DDC: variants seen among roughly 807,000 people sequenced by gnomAD.
The protein encoded by DDC is aromatic-L-amino-acid decarboxylase.
DDC carries 43 observed loss-of-function variants against 60.0 expected under a neutral mutation model. The ratio of observed to expected loss-of-function variants is 0.72; its 90% CI spans 0.56 to 0.92. The LOEUF (loss-of-function observed/expected upper bound fraction) is 0.92, where lower values mean the gene tolerates loss of function less well. Among genes scored for constraint, DDC ranks in the 40% least tolerant of loss-of-function variants. The probability of loss-of-function intolerance (pLI) is 0.00; values close to 1 mark genes in which losing one functional copy is unlikely to be tolerated. For synonymous variants in DDC, 232 were observed against 234.6 expected (o/e 0.99, Z 0.10); for missense variants, 573 against 620.2 (o/e 0.92, Z 0.81).
intron 1 of DDC, among the ~76,000 whole-genome samples, chr7:50,548,470 G>T (rs1342825861): frequency 1.3e-5 from 2 of 152,202 alleles, no homozygotes; most frequent in Non-Finnish European, 2.9e-5. Flanking sequence ...CTGATATGGA[G>T]AGTATTTTAA....
Position 50,467,324 on chromosome 7 carries a change from A to T in DDC, c.1141-9T>A. ...TGGGACAGCTGGACATGCTTCAAAG[A>T]GGAAAGGGAAAATCTGTTTTTCTCA... On this transcript the variant is annotated splice_polypyrimidine_tract_variant and intron_variant, in intron 12 of 14. Coordinates refer to ENST00000444124, the MANE Select transcript of DDC (RefSeq NM_001082971.2). 6.2e-7 allele frequency: 1 copy of T among 1,612,070 alleles called. No individual in the cohort carries two copies. Among genetic ancestry groups the T allele is most frequent in the Non-Finnish European group, 8.5e-7 (1 of 1,178,082 alleles).
At chr7:50,459,314 C>T (rs1040000034) in intron 14 of DDC, among the ~76,000 whole-genome samples, 2 of 152,226 alleles carry the variant, frequency 1.3e-5, no homozygotes, top group African/African-American at 2.4e-5. Context: ...CTACAACCTC[C>T]ACCTCCCAGC....
chr7:50,498,989 C>A (rs11575394), intron 8 of DDC, among the ~76,000 whole-genome samples, 159 bp downstream of exon 8: 1 of 152,178 alleles, frequency 6.6e-6, no homozygotes, highest in African/African-American at 2.4e-5. Context: ...CTGGGGAAGG[C>A]TCTCAGCCCC....
chr7:50,479,654 C>T (rs533518978), intron 10 of DDC, 133 bp downstream of exon 10: 1 of 857,110 alleles, frequency 1.2e-6, no homozygotes. Flanking sequence ...TCCAGGAATG[C>T]ACAGCACCCC....
intron 10 of DDC, among the ~76,000 whole-genome samples, chr7:50,478,091 T>G (rs2042688284): frequency 6.6e-6 from 1 of 151,452 alleles, no homozygotes; most frequent in South Asian, 2.1e-4. Flanking sequence ...TGTACGTCTG[T>G]GGTCCCAGCT....
chr7:50,539,962 G>C lies in DDC; in HGVS notation c.268C>G (p.Leu90Val), dbSNP rs771493217. 7.4e-6 allele frequency: 12 copies of C among 1,613,964 alleles called. No individual in the cohort carries two copies. Among genetic ancestry groups the C allele is most frequent in the Non-Finnish European group, 1.0e-5 (12 of 1,179,992 alleles). Residue 90 changes from leucine to valine, a missense_variant, in exon 3 of 15, where the codon CTT (leucine) becomes GTT (valine). By Grantham distance (32) the Leu-to-Val change is conservative. Coordinates refer to ENST00000444124, the MANE Select transcript of DDC (RefSeq NM_001082971.2). ...FPTASSYPAM[L>V]ADMLCGAIGC... ...ATGGCCCCGCACAGCATGTCCGCAA[G>C]CATGGCCGGGTACGAGCTGGCAGTG...
intron 9 of DDC, among the ~76,000 whole-genome samples, chr7:50,486,221 C>T (rs1272356617): frequency 6.6e-6 from 1 of 152,150 alleles, no homozygotes; most frequent in East Asian, 1.9e-4. Context: ...CCAGTGGGTT[C>T]TATGTGCATC....
intron 7 of DDC, among the ~76,000 whole-genome samples, chr7:50,502,393 G>A (rs1350132416): frequency 6.6e-6 from 1 of 152,186 alleles, no homozygotes; most frequent in Non-Finnish European, 1.5e-5. Flanking sequence ...GGCCATGTGG[G>A]CTCTATCCAG....
chr7:50,560,242 G>C (rs11575275), intron 1 of DDC, among the ~76,000 whole-genome samples: 2 of 152,162 alleles, frequency 1.3e-5, no homozygotes, highest in African/African-American at 4.8e-5. Context: ...TTATCTGAAT[G>C]AGAAATTTTC....
intron 14 of DDC, among the ~76,000 whole-genome samples, chr7:50,460,488 G>C (rs867564994): frequency 6.6e-6 from 1 of 151,246 alleles, no homozygotes; most frequent in Admixed American, 6.6e-5. Flanking sequence ...GCCTCTGCCC[G>C]GCCGCCCCTA....
At chr7:50,526,201 T>C (rs898050131) in intron 6 of DDC, among the ~76,000 whole-genome samples, 3 of 152,220 alleles carry the variant, frequency 2.0e-5, no homozygotes, top group Admixed American at 6.5e-5. Flanking sequence ...GGAAATGTCA[T>C]ATTTTTGTAT....
At chr7:50,525,096 T>C (rs1252405391) in intron 6 of DDC, among the ~76,000 whole-genome samples, 1 of 152,210 alleles carries the variant, frequency 6.6e-6, no homozygotes, top group Non-Finnish European at 1.5e-5. Context: ...ATGTCACATA[T>C]TGTATAATTC....
In DDC at chr7:50,553,484, CTTTTTTTT is replaced by C. The variant is rs5884158; in HGVS notation, c.-28-9379_-28-9372del. Among the ~76,000 whole-genome samples, 6 of 90,928 alleles carry C rather than the reference CTTTTTTTT, an allele frequency of 6.6e-5. No homozygotes were observed. In the East Asian group the frequency reaches 1.5e-3, roughly 23 times the overall value. The allele number at this position is 90,928 out of a possible 152,430, so 59.7% of individuals were successfully genotyped here. ...TTTTTTCTTTTCTTTTCTTTCTTTT[CTTTTTTTT>C]TTTTTTTTTTTTGAGATGGAGTCTT... On this transcript the variant is annotated intron_variant, in intron 1 of 14. Transcript: ENST00000444124.
Position 50,543,361 on chromosome 7 carries a change from T to C in DDC, c.201+524A>G, listed in dbSNP as rs75487872. On this transcript the variant is annotated intron_variant, in intron 2 of 14. Coordinates refer to ENST00000444124, the MANE Select transcript of DDC (RefSeq NM_001082971.2). ...CAGCCAGTCCCGCTGATTTCTGCCC[T>C]CTGTGTACCCCAGGCCTACTGGCTT... 1,551 of 197,264 alleles carry C rather than the reference T, an allele frequency of 7.9e-3. 23 individuals are homozygous for C. The highest frequency in any genetic ancestry group is 0.034 in the African/African-American group (1,471 of 43,178). The allele number at this position is 197,264 out of a possible 1,614,324, so 12.2% of individuals were successfully genotyped here.
intron 1 of DDC, among the ~76,000 whole-genome samples, chr7:50,552,560 C>G (rs73342836): frequency 0.074 from 11,335 of 152,198 alleles, 794 homozygotes; most frequent in African/African-American, 0.19. Flanking sequence ...CTCCCCTGAA[C>G]TCCCTCAGAC....
intron 6 of DDC, among the ~76,000 whole-genome samples, chr7:50,519,045 C>G (rs767076871): frequency 7.9e-5 from 12 of 152,036 alleles, no homozygotes; most frequent in Admixed American, 4.6e-4. Context: ...ATCAGTAACA[C>G]GATAAACAAA....
intron 10 of DDC, 59 bp from the exon 11 acceptor site, chr7:50,476,702 C>G: frequency 6.9e-7 from 1 of 1,459,034 alleles, no homozygotes; most frequent in Non-Finnish European, 9.5e-7. Flanking sequence ...GTTGATCACA[C>G]GCTAATCCTT....
intron 1 of DDC, among the ~76,000 whole-genome samples, chr7:50,562,436 C>G (rs535539877): frequency 1.4e-4 from 21 of 152,330 alleles, no homozygotes; most frequent in Non-Finnish European, 2.8e-4. Context: ...GCTCATCCCC[C>G]CAAACACTGT....
chr7:50,489,880 T>A (rs1350740141), intron 9 of DDC, among the ~76,000 whole-genome samples: 2 of 152,214 alleles, frequency 1.3e-5, no homozygotes, highest in African/African-American at 2.4e-5. Flanking sequence ...AAATGATTTA[T>A]GGAAATTATA....
Sources: allele counts gnomAD v4.1 joint callset (sites outside exome capture counted in the v4.1 genomes callset), GRCh38; gene constraint gnomAD v4.1.1; transcripts MANE v1.5; gene names NCBI Gene and HGNC (gene_info 2026-07-23, HGNC 2026-07-21).